Variants in SNX4 observed in about 807,000 individuals in gnomAD.
SNX4 encodes the protein sorting nexin 4.
SNX4 carries 49 observed loss-of-function variants against 70.8 expected under a neutral mutation model. The ratio of observed to expected loss-of-function variants is 0.69; its 90% CI spans 0.55 to 0.88. SNX4 has a LOEUF of 0.88. Ranked by LOEUF, SNX4 falls within the 40% of genes least tolerant of loss-of-function variation. SNX4 has a pLI of 0.00. For missense variants in SNX4, 528 were observed against 544.8 expected, an observed-to-expected ratio of 0.97 and a Z score of 0.31; for synonymous variants, 206 against 183.8, an observed-to-expected ratio of 1.12 and a Z score of -0.98.
chr3:125,455,840 C>T (rs1180373137), intron 11 of SNX4, among the ~76,000 whole-genome samples: 4 of 151,800 alleles, frequency 2.6e-5, no homozygotes, highest in Non-Finnish European at 5.9e-5. Context: ...GGTGAAACCC[C>T]GTCTGTACTA....
intron 6 of SNX4, among the ~76,000 whole-genome samples, chr3:125,481,748 C>T (rs1288912301): frequency 6.6e-6 from 1 of 152,148 alleles, no homozygotes; most frequent in African/African-American, 2.4e-5. Flanking sequence ...CGAAATGTTT[C>T]TTAAAAACAC....
At chr3:125,461,819 GC>G (rs1475709950) in intron 9 of SNX4, among the ~76,000 whole-genome samples, 1 of 151,286 alleles carries the variant, frequency 6.6e-6, no homozygotes, top group African/African-American at 2.5e-5. Context: ...CTGTCACCAC[GC>G]CCAGTTAATT....
At position 125,519,961 on chromosome 3, in the gene SNX4, C is replaced by G. The variant is rs376786595; in HGVS notation, c.141+71G>C. On this transcript the variant is annotated intron_variant, in intron 1 of 13. Transcript: ENST00000251775. ...CTGGCCCGGCCCGGCCCAGCCCAGC[C>G]CAGCCCAGCCCAGCCCGGCCCGCTA... 6 of 1,172,828 alleles carry G rather than the reference C, an allele frequency of 5.1e-6. No homozygotes were observed. In the African/African-American group the frequency reaches 6.6e-5, roughly 13 times the overall value. The allele number at this position is 1,172,828 out of a possible 1,614,324, so 72.7% of individuals were successfully genotyped here.
intron 8 of SNX4, 122 bp from the exon 9 acceptor site, chr3:125,469,641 G>T (rs1046154118): frequency 1.5e-6 from 1 of 661,472 alleles, no homozygotes; most frequent in Non-Finnish European, 2.6e-6. Flanking sequence ...CCCGTATTTG[G>T]GTTTATTTTG....
chr3:125,491,296 A>C (rs1393478729), intron 5 of SNX4, among the ~76,000 whole-genome samples: 1 of 152,198 alleles, frequency 6.6e-6, no homozygotes, highest in Non-Finnish European at 1.5e-5. Context: ...TAAAAACCAA[A>C]GGCTCTTGTA....
chr3:125,478,711 T>C (rs1205922711), intron 7 of SNX4, among the ~76,000 whole-genome samples: 3 of 150,718 alleles, frequency 2.0e-5, no homozygotes, highest in African/African-American at 7.3e-5. Flanking sequence ...ATATTAAGCA[T>C]GGAAGAAAAG....
At chr3:125,452,865 C>A (rs1156506114) in intron 12 of SNX4, among the ~76,000 whole-genome samples, 1 of 152,158 alleles carries the variant, frequency 6.6e-6, no homozygotes, top group Non-Finnish European at 1.5e-5. Flanking sequence ...GATCCACCCA[C>A]CTCAGCCTCC....
At chr3:125,500,085 A>G (rs1166278339) in intron 2 of SNX4, among the ~76,000 whole-genome samples, 2 of 151,996 alleles carry the variant, frequency 1.3e-5, no homozygotes, top group African/African-American at 2.4e-5. Context: ...AACACCAAAA[A>G]AAAAAACCCA....
intron 11 of SNX4, among the ~76,000 whole-genome samples, chr3:125,456,777 C>T (rs1279157515): frequency 6.6e-6 from 1 of 152,198 alleles, no homozygotes; most frequent in Non-Finnish European, 1.5e-5. Context: ...TCTTCTGCCT[C>T]ACCTTCCCGA....
intron 6 of SNX4, among the ~76,000 whole-genome samples, chr3:125,483,194 A>G (rs1046713866): frequency 6.6e-5 from 10 of 151,306 alleles, no homozygotes; most frequent in Non-Finnish European, 1.3e-4. Context: ...ATCTCAGATA[A>G]CTGTGAGCGG....
chr3:125,476,058 G>C (rs1934282784), intron 8 of SNX4, among the ~76,000 whole-genome samples: 1 of 151,660 alleles, frequency 6.6e-6, no homozygotes, highest in Non-Finnish European at 1.5e-5. Flanking sequence ...ACGAGGTCAG[G>C]AGTTCAAGAC....
At chr3:125,500,799 C>CAAAAAAAAAAAA (rs770336677) in intron 2 of SNX4, among the ~76,000 whole-genome samples, 2 of 29,316 alleles carry the variant, frequency 6.8e-5, no homozygotes, top group Non-Finnish European at 5.9e-5. Context: ...GACTCCGTCT[C>CAAAAAAAAAAAA]AAAAAAAAAA....
chr3:125,497,687 T>C (rs1934827006), intron 4 of SNX4, 147 bp downstream of exon 4: 2 of 595,878 alleles, frequency 3.4e-6, no homozygotes, highest in Non-Finnish European at 5.6e-6. Flanking sequence ...ACCAAAAGAA[T>C]GACATAATCC....
intron 5 of SNX4, among the ~76,000 whole-genome samples, chr3:125,492,084 G>A (rs189842531): frequency 7.2e-6 from 1 of 138,110 alleles, no homozygotes; most frequent in East Asian, 2.1e-4. Context: ...CTCCAGCCTG[G>A]GTGACAGAGA....
chr3:125,465,332 G>A (rs1023833588), intron 9 of SNX4, among the ~76,000 whole-genome samples: 1 of 150,456 alleles, frequency 6.6e-6, no homozygotes, highest in Non-Finnish European at 1.5e-5. Context: ...TGTAGCCTCC[G>A]CCTCCTGGGT....
At chr3:125,473,698 A>G (rs1222855657) in intron 8 of SNX4, among the ~76,000 whole-genome samples, 2 of 152,228 alleles carry the variant, frequency 1.3e-5, no homozygotes, top group African/African-American at 4.8e-5. Flanking sequence ...TACAGGCATG[A>G]GCCACTGTGC....
chr3:125,461,534 A>G (rs1273166863), intron 9 of SNX4, among the ~76,000 whole-genome samples: 1 of 152,232 alleles, frequency 6.6e-6, no homozygotes, highest in Non-Finnish European at 1.5e-5. Flanking sequence ...AGAAAGAATA[A>G]GAGTTTGGTA....
At chr3:125,505,435 C>A (rs1479771764) in intron 1 of SNX4, among the ~76,000 whole-genome samples, 2 of 152,152 alleles carry the variant, frequency 1.3e-5, no homozygotes, top group African/African-American at 4.8e-5. Context: ...ACTCTGGAGT[C>A]CAATAAAGGC....
chr3:125,480,397 T>A, intron 6 of SNX4, 78 bp from the exon 7 acceptor site: 2 of 798,534 alleles, frequency 2.5e-6, no homozygotes. Context: ...AAACAGTAGT[T>A]CCCGACAATA....
Sources: allele counts gnomAD v4.1 joint callset (sites outside exome capture counted in the v4.1 genomes callset), GRCh38; gene constraint gnomAD v4.1.1; transcripts MANE v1.5; gene names NCBI Gene and HGNC (gene_info 2026-07-23, HGNC 2026-07-21).